Variants in VPS13A observed in about 807,000 individuals in gnomAD.
The protein encoded by VPS13A is vacuolar protein sorting 13 homolog A.
VPS13A carries 264 observed loss-of-function variants against 390.9 expected under a neutral mutation model. That is an observed-to-expected ratio of 0.68 (90% CI 0.61 to 0.75). The LOEUF (loss-of-function observed/expected upper bound fraction) is 0.75, where lower values mean the gene tolerates loss of function less well. VPS13A is among the 30% of genes least tolerant of loss of function. The probability of loss-of-function intolerance (pLI) is 0.00; values close to 1 mark genes in which losing one functional copy is unlikely to be tolerated. For missense variants in VPS13A, 3,409 were observed against 3,733.9 expected (o/e 0.91, Z 2.27); for synonymous variants, 1,231 against 1,227.1 (o/e 1.00, Z -0.07).
intron 68 of VPS13A, chr9:77,384,536 C>CAT (rs1174543557): frequency 1.2e-6 from 2 of 1,609,308 alleles, no homozygotes; most frequent in African/African-American, 2.7e-5. Flanking sequence ...AGCAATTTGC[C>CAT]ATACTCTACT....
chr9:77,238,281 A>G lies in VPS13A; in HGVS notation c.1795A>G (p.Asn599Asp). The change falls in exon 19 of 72, where the codon AAT becomes GAT. Residue 599 changes from asparagine (N) to aspartate (D), a missense_variant. By Grantham distance (23) the Asn-to-Asp change is conservative. This residue lies in a region of VPS13A where 2,717 missense variants were observed against 2,917.4 expected (regional missense o/e 0.93). Coordinates refer to ENST00000360280, the MANE Select transcript of VPS13A (RefSeq NM_033305.3). Reference sequence around the variant, plus strand: ...ATGTTTATTTTAACAGAGGACAGTGAATAGTATAGTGGAATTCTTCAGACC... The same window carrying G: ...ATGTTTATTTTAACAGAGGACAGTGGATAGTATAGTGGAATTCTTCAGACC... ...LEIIYDARTV[N>D]SIVEFFRPPK... The G allele has an allele frequency of 6.2e-7, 1 of 1,613,670 alleles. No homozygotes were observed. The highest frequency in any genetic ancestry group is 8.5e-7 in the Non-Finnish European group (1 of 1,179,646).
At chr9:77,301,118 C>A (rs1828325373) in intron 33 of VPS13A, among the ~76,000 whole-genome samples, 1 of 152,128 alleles carries the variant, frequency 6.6e-6, no homozygotes, top group South Asian at 2.1e-4. Context: ...AGAAAGTAAT[C>A]TTTTGACATA....
At chr9:77,406,594 T>A (rs1054451826) in intron 70 of VPS13A, among the ~76,000 whole-genome samples, 1 of 152,052 alleles carries the variant, frequency 6.6e-6, no homozygotes, top group Non-Finnish European at 1.5e-5. Context: ...TTTTTGTATT[T>A]TTAGTACAGA....
chr9:77,244,162 C>G (rs113906734), intron 19 of VPS13A, among the ~76,000 whole-genome samples: 1 of 152,076 alleles, frequency 6.6e-6, no homozygotes, highest in African/African-American at 2.4e-5. Flanking sequence ...TGCTTGAGCC[C>G]GGGAGGTCAG....
In VPS13A at chr9:77,421,260, T is replaced by C. The variant is rs947348442; in HGVS notation, c.*5254T>C. 3.9e-5 allele frequency: 6 copies of C among 152,222 alleles called. No individual in the cohort carries two copies. The highest frequency in any genetic ancestry group is 1.4e-4 in the African/African-American group (6 of 41,468). The allele number at this position is 152,222 out of a possible 1,614,324, so 9.4% of individuals were successfully genotyped here. On this transcript the variant is annotated 3_prime_UTR_variant, in exon 72 of 72. Transcript: ENST00000360280. Reference sequence around the variant, plus strand: ...ACTTTTCTGTTCCTCATCCCTCTTTTATGTGTGCTTGGCTCAGTTGCCTGT... The same window carrying C: ...ACTTTTCTGTTCCTCATCCCTCTTTCATGTGTGCTTGGCTCAGTTGCCTGT...
chr9:77,225,648 A>G (rs531397409), intron 13 of VPS13A, among the ~76,000 whole-genome samples: 1 of 152,188 alleles, frequency 6.6e-6, no homozygotes, highest in Non-Finnish European at 1.5e-5. Context: ...ACATATTTTA[A>G]TATGTGTTTA....
At chr9:77,380,879 GC>G (rs1833390651) in intron 67 of VPS13A, among the ~76,000 whole-genome samples, 1 of 152,300 alleles carries the variant, frequency 6.6e-6, no homozygotes, top group South Asian at 2.1e-4. Flanking sequence ...AGAATCTGAT[GC>G]CGCTGCTGAT....
At chr9:77,235,267 G>T (rs1824078200) in intron 17 of VPS13A, among the ~76,000 whole-genome samples, 1 of 152,088 alleles carries the variant, frequency 6.6e-6, no homozygotes. Context: ...TTGTTCATCT[G>T]GAAATGTGTT....
At chr9:77,334,451 C>A (rs1463046675) in intron 46 of VPS13A, among the ~76,000 whole-genome samples, 1 of 152,086 alleles carries the variant, frequency 6.6e-6, no homozygotes, top group Non-Finnish European at 1.5e-5. Context: ...CTTGAACTTT[C>A]CTTTGACGTT....
At chr9:77,385,111 C>A (rs970835769) in intron 68 of VPS13A, 1 of 975,260 alleles carries the variant, frequency 1.0e-6, no homozygotes, top group Non-Finnish European at 1.2e-6. Context: ...ATAGTAATAG[C>A]CATTTAATGT....
At chr9:77,396,877 TC>T (rs2131637493) in intron 68 of VPS13A, among the ~76,000 whole-genome samples, 1 of 152,366 alleles carries the variant, frequency 6.6e-6, no homozygotes, top group South Asian at 2.1e-4. Context: ...AAATGCTTCC[TC>T]TTTCCCACTC....
intron 10 of VPS13A, among the ~76,000 whole-genome samples, 199 bp from the exon 11 acceptor site, chr9:77,219,755 A>G (rs1205954564): frequency 6.6e-6 from 1 of 152,064 alleles, no homozygotes; most frequent in African/African-American, 2.4e-5. Flanking sequence ...TATGGAAGAC[A>G]GTGAATTTTA....
Position 77,345,067 on chromosome 9 carries a change from T to G in VPS13A, c.7214T>G (p.Leu2405Ter), listed in dbSNP as rs919186738. 7 of 1,613,218 alleles carry G rather than the reference T, an allele frequency of 4.3e-6. No homozygotes were observed. The highest frequency in any genetic ancestry group is 2.7e-5 in the African/African-American group (2 of 74,936). The change falls in exon 52 of 72, where the codon TTA becomes TGA. Residue 2405 changes from leucine (L) to a stop codon, truncating the protein, a stop_gained. Transcript: ENST00000360280. LOFTEE classifies it high-confidence loss of function. ...LAEHSTVITF[L>*]DYHDGAATFL... ...GAGCATTCTACAGTTATTACATTTTTAGATTATCATGATGGAGCAGCTACA... is the reference window on the plus strand; with the variant it reads ...GAGCATTCTACAGTTATTACATTTTGAGATTATCATGATGGAGCAGCTACA...
rs998745764 is a variant in VPS13A at position 77,330,122 on chromosome 9, C to G, written c.5992-1888C>G. On this transcript the variant is annotated intron_variant, in intron 45 of 71. Transcript: ENST00000360280. ...ACCTTGACCTCCCAGGCTCAATAAT[C>G]CTCTCACCTCAGCCTCTGCAGTAGC... Among the ~76,000 whole-genome samples the G allele has an allele frequency of 1.9e-4, 29 of 152,152 alleles. 1 individual carries two copies. Among genetic ancestry groups the G allele is most frequent in the African/African-American group, 4.8e-4 (20 of 41,466 alleles).
chr9:77,414,021 A>G (rs939677886), intron 71 of VPS13A, among the ~76,000 whole-genome samples: 1 of 152,240 alleles, frequency 6.6e-6, no homozygotes, highest in Admixed American at 6.5e-5. Context: ...GAGAAATGCA[A>G]ATCCAAACCA....
At chr9:77,287,512 T>C (rs1314872089) in intron 31 of VPS13A, among the ~76,000 whole-genome samples, 1 of 152,154 alleles carries the variant, frequency 6.6e-6, no homozygotes, top group Non-Finnish European at 1.5e-5. Context: ...TGAGATACTA[T>C]AGTCAGCAAA....
At chr9:77,359,815 C>CAAAAAAAAAAAAAAAA (rs1270153072) in intron 58 of VPS13A, among the ~76,000 whole-genome samples, 1 of 59,618 alleles carries the variant, frequency 1.7e-5, no homozygotes, top group Admixed American at 2.0e-4. Context: ...AAGACTGTCT[C>CAAAAAAAAAAAAAAAA]AAAAAAAAAA....
intron 31 of VPS13A, among the ~76,000 whole-genome samples, chr9:77,285,021 A>C (rs955798335): frequency 6.6e-6 from 1 of 152,114 alleles, no homozygotes; most frequent in Admixed American, 6.5e-5. Flanking sequence ...TTTATTTTTA[A>C]TATATCTACA....
chr9:77,229,672 G>A (rs968528691), intron 17 of VPS13A, among the ~76,000 whole-genome samples: 3 of 152,094 alleles, frequency 2.0e-5, no homozygotes, highest in African/African-American at 7.2e-5. Context: ...CCATTTAACT[G>A]TTGAGGATAT....
Sources: allele counts gnomAD v4.1 joint callset (sites outside exome capture counted in the v4.1 genomes callset), GRCh38; gene constraint gnomAD v4.1.1; regional missense constraint gnomAD v4.1.1; transcripts MANE v1.5; gene names NCBI Gene and HGNC (gene_info 2026-07-23, HGNC 2026-07-21).